The following RRP15 variants were observed in gnomAD, a reference collection of about 807,000 sequenced individuals.
RRP15 encodes the protein RRP15-like protein.
RRP15 carries 18 observed loss-of-function variants against 27.1 expected under a neutral mutation model. The ratio of observed to expected loss-of-function variants is 0.66; its 90% CI spans 0.46 to 0.98. RRP15 has a LOEUF of 0.98. Among genes scored for constraint, RRP15 ranks in the 50% least tolerant of loss-of-function variants. RRP15 has a pLI of 0.00. For missense variants in RRP15, 359 were observed against 337.8 expected (o/e 1.06, Z -0.49); for synonymous variants, 107 against 109.4 (o/e 0.98, Z 0.14).
At chr1:218,330,907 G>A (rs754448612) in intron 4 of RRP15, 41 bp from the exon 5 acceptor site, 1 of 1,579,816 alleles carries the variant, frequency 6.3e-7, no homozygotes, top group Non-Finnish European at 8.7e-7. Flanking sequence ...CCTTATGATG[G>A]AATTGACTTT....
intron 1 of RRP15, among the ~76,000 whole-genome samples, chr1:218,298,495 G>C (rs1464441316): frequency 1.3e-5 from 2 of 152,136 alleles, no homozygotes; most frequent in Non-Finnish European, 2.9e-5. Flanking sequence ...GAGGGACTGT[G>C]AGCCTTCTTA....
rs921787583 is a variant in RRP15 at position 218,297,737 on chromosome 1, A to G, written c.140-4557A>G. Among the ~76,000 whole-genome samples the G allele has an allele frequency of 4.6e-5, 7 of 152,162 alleles. No individual in the cohort carries two copies. The East Asian group carries it at 1.2e-3, about 25-fold the overall frequency. ...ACTTTCAGGTGGTATTTACATTTTA[A>G]AAGAAAAACTGTAATAGAGAATGTT... is the stretch of plus-strand genomic sequence containing the variant. On this transcript the variant is annotated intron_variant, in intron 1 of 4. Transcript: ENST00000366932.
Position 218,333,136 on chromosome 1 carries a change from G to A in RRP15, c.*2045G>A, listed in dbSNP as rs371136820. On this transcript the variant is annotated 3_prime_UTR_variant, in exon 5 of 5. Transcript: ENST00000366932. ...ACGAGAATATTTGCAGATTTCCTTC[G>A]TTCCAAAATTATTTTATTCCAAAGA... 47 of 151,748 alleles carry A rather than the reference G, an allele frequency of 3.1e-4. 1 individual carries two copies. In the South Asian group the frequency reaches 8.1e-3, roughly 26 times the overall value. 9.4% of individuals were successfully genotyped at this position (151,748 alleles called of 1,614,324 possible). A position where few individuals can be genotyped will look rare whatever the true frequency, so the allele number is the denominator to read the frequency against.
intron 4 of RRP15, among the ~76,000 whole-genome samples, chr1:218,327,367 G>GT (rs1387333964): frequency 6.6e-6 from 1 of 152,120 alleles, no homozygotes; most frequent in Admixed American, 6.5e-5. Flanking sequence ...GGAGTGCAGT[G>GT]GTGTGATCTC....
chr1:218,329,905 ATC>A (rs1372596085), intron 4 of RRP15, among the ~76,000 whole-genome samples: 1 of 151,952 alleles, frequency 6.6e-6, no homozygotes, highest in Non-Finnish European at 1.5e-5. Context: ...TAGGTAAGTA[ATC>A]TCTTGTAACC....
chr1:218,327,796 G>C (rs1656297088), intron 4 of RRP15, among the ~76,000 whole-genome samples: 1 of 152,072 alleles, frequency 6.6e-6, no homozygotes, highest in Non-Finnish European at 1.5e-5. Context: ...ATACAGTGCT[G>C]AATTTTACAT....
At chr1:218,311,539 C>T (rs1655996140) in intron 4 of RRP15, among the ~76,000 whole-genome samples, 1 of 152,172 alleles carries the variant, frequency 6.6e-6, no homozygotes, top group Non-Finnish European at 1.5e-5. Flanking sequence ...TTAAGCCCTT[C>T]TCAGTAGTAT....
intron 1 of RRP15, among the ~76,000 whole-genome samples, chr1:218,288,859 A>G (rs1182457200): frequency 6.6e-6 from 1 of 152,148 alleles, no homozygotes; most frequent in African/African-American, 2.4e-5. Flanking sequence ...TAACCAGAGT[A>G]TTCTTTCCTT....
chr1:218,285,722 C>A (rs1290344967), intron 1 of RRP15, among the ~76,000 whole-genome samples: 3 of 151,768 alleles, frequency 2.0e-5, no homozygotes, highest in South Asian at 2.1e-4. Flanking sequence ...GGTGAAACAC[C>A]TGCAGCTACC....
At chr1:218,305,154 A>G (rs1655879217) in intron 3 of RRP15, 29 bp downstream of exon 3, 16 of 1,519,084 alleles carry the variant, frequency 1.1e-5, no homozygotes, top group Non-Finnish European at 1.5e-5. Flanking sequence ...CCTTTAAAAA[A>G]TAAGTATACT....
At chr1:218,314,620 A>G (rs1354807237) in intron 4 of RRP15, among the ~76,000 whole-genome samples, 2 of 152,146 alleles carry the variant, frequency 1.3e-5, no homozygotes, top group Admixed American at 6.5e-5. Context: ...CCAATATATC[A>G]ATTTCAGGTT....
At chr1:218,294,563 G>T (rs1655692292) in intron 1 of RRP15, among the ~76,000 whole-genome samples, 1 of 152,160 alleles carries the variant, frequency 6.6e-6, no homozygotes, top group Non-Finnish European at 1.5e-5. Flanking sequence ...TAGGGTGAAG[G>T]TGTGTGGAGC....
intron 1 of RRP15, among the ~76,000 whole-genome samples, chr1:218,294,342 G>A (rs1655689141): frequency 6.6e-6 from 1 of 152,112 alleles, no homozygotes; most frequent in East Asian, 1.9e-4. Context: ...AGCTTCATAA[G>A]ACTGCCCAAA....
At chr1:218,324,094 T>G (rs191925037) in intron 4 of RRP15, among the ~76,000 whole-genome samples, 1 of 152,294 alleles carries the variant, frequency 6.6e-6, no homozygotes, top group African/African-American at 2.4e-5. Context: ...CAAGTCCTCC[T>G]CTTGGCCCCT....
At chr1:218,315,160 A>G (rs1278106995) in intron 4 of RRP15, among the ~76,000 whole-genome samples, 3 of 151,924 alleles carry the variant, frequency 2.0e-5, no homozygotes, top group Admixed American at 6.6e-5. Flanking sequence ...AAGGTAGGGT[A>G]CTCCTCTATT....
intron 2 of RRP15, among the ~76,000 whole-genome samples, chr1:218,304,526 G>A (rs1320269509): frequency 6.6e-6 from 1 of 152,212 alleles, no homozygotes; most frequent in Non-Finnish European, 1.5e-5. Context: ...GGATTTAAAT[G>A]ATTCTCTGCA....
intron 4 of RRP15, among the ~76,000 whole-genome samples, chr1:218,330,477 A>G (rs1016776762): frequency 2.0e-5 from 3 of 152,200 alleles, no homozygotes; most frequent in African/African-American, 7.2e-5. Context: ...AACCTAGCAT[A>G]GTACCAATGT....
In RRP15 at chr1:218,333,226, T is replaced by C. The variant is rs1470813909; in HGVS notation, c.*2135T>C. The C allele has an allele frequency of 6.6e-6, 1 of 152,208 alleles. No homozygotes were observed. The highest frequency in any genetic ancestry group is 1.9e-4 in the East Asian group (1 of 5,202). 9.4% of individuals were successfully genotyped at this position (152,208 alleles called of 1,614,324 possible). On this transcript the variant is annotated 3_prime_UTR_variant, in exon 5 of 5. Coordinates refer to ENST00000366932, the MANE Select transcript of RRP15 (RefSeq NM_016052.4). Reference sequence around the variant, plus strand: ...ACTTCTGTTAGAAGGCTATGAAGTATATATAAATTATATGACAATTTTTAT... The same window carrying C: ...ACTTCTGTTAGAAGGCTATGAAGTACATATAAATTATATGACAATTTTTAT...
intron 4 of RRP15, among the ~76,000 whole-genome samples, chr1:218,315,800 G>A (rs1336508988): frequency 6.6e-6 from 1 of 152,072 alleles, no homozygotes; most frequent in Non-Finnish European, 1.5e-5. Flanking sequence ...AGGCAGGCAA[G>A]GAGGTAGAGA....
Sources: gnomAD v4.1 joint callset for allele counts (sites outside exome capture counted in the v4.1 genomes callset) on GRCh38, gnomAD v4.1.1 for gene constraint, MANE v1.5 for transcripts, NCBI Gene and HGNC (gene_info 2026-07-23, HGNC 2026-07-21) for gene names.